The following DCN variants were observed in gnomAD, a reference collection of about 807,000 sequenced individuals.
DCN encodes the protein bone proteoglycan II.
In DCN, 17 loss-of-function variants were observed where a neutral mutation model predicts 36.5. That is an observed-to-expected ratio of 0.47 (90% confidence interval 0.32 to 0.70). The LOEUF (loss-of-function observed/expected upper bound fraction) is 0.70. Among genes scored for constraint, DCN ranks in the 30% least tolerant of loss-of-function variants. The probability of loss-of-function intolerance (pLI) is 0.04; values close to 1 mark genes in which losing one functional copy is unlikely to be tolerated. For synonymous variants in DCN, 163 were observed against 161.4 expected (o/e 1.01, Z -0.07); for missense variants, 389 against 430.1 (o/e 0.90, Z 0.84).
rs980881421 is a variant in DCN at position 91,173,562 on chromosome 12, C to T, written c.211+4780G>A. Among the ~76,000 whole-genome samples the T allele has an allele frequency of 3.9e-5, 6 of 152,124 alleles. 1 individual carries two copies. The South Asian group carries it at 8.3e-4, about 21-fold the overall frequency. On this transcript the variant is annotated intron_variant, in intron 2 of 7. Coordinates refer to ENST00000052754, the MANE Select transcript of DCN (RefSeq NM_001920.5). ...CTACCCAATGTCAATTTAGGCAATC[C>T]AGTGGTCATACTCTGTGCACAGCCT...
chr12:91,179,389 G>A (rs1166660511), intron 1 of DCN: 2 of 152,200 alleles, frequency 1.3e-5, no homozygotes, highest in East Asian at 3.9e-4. Context: ...AAGATTAAAT[G>A]AGATAGTGGG....
intron 3 of DCN, among the ~76,000 whole-genome samples, chr12:91,161,943 A>AT (rs34042357): frequency 0.17 from 24,418 of 142,932 alleles, 2,407 homozygotes; most frequent in East Asian, 0.35. Context: ...TTATCTACCA[A>AT]TTTTTTTTTT....
intron 7 of DCN, among the ~76,000 whole-genome samples, chr12:91,147,042 A>T (rs1881071718): frequency 6.6e-6 from 1 of 152,216 alleles, no homozygotes; most frequent in East Asian, 1.9e-4. Context: ...TGCTTTAGAA[A>T]GTAAACCAAA....
At chr12:91,162,285 GA>G (rs1882211756) in intron 3 of DCN, among the ~76,000 whole-genome samples, 1 of 151,656 alleles carries the variant, frequency 6.6e-6, no homozygotes, top group South Asian at 2.1e-4. Flanking sequence ...TAAAATTTTA[GA>G]AAAAAATTTT....
At chr12:91,175,503 T>A (rs1883236517) in intron 2 of DCN, 1 of 152,150 alleles carries the variant, frequency 6.6e-6, no homozygotes, top group African/African-American at 2.4e-5. Context: ...TTGTTTAAAA[T>A]TTTGATGTTG....
chr12:91,165,008 A>G (rs887766280), intron 2 of DCN, among the ~76,000 whole-genome samples: 4 of 152,198 alleles, frequency 2.6e-5, no homozygotes, highest in African/African-American at 9.7e-5. Flanking sequence ...GTGTGGCTCA[A>G]ATCTATATGT....
chr12:91,158,378 A>T lies in DCN; in HGVS notation c.456T>A (p.Leu152=), dbSNP rs1239200835. The T allele has an allele frequency of 6.2e-7, 1 of 1,613,714 alleles. No homozygotes were observed. The highest frequency in any genetic ancestry group is 1.3e-5 in the African/African-American group (1 of 74,916). The change falls in exon 4 of 8, where the codon CTT becomes CTA. Residue 152 remains leucine, a synonymous_variant. Coordinates refer to ENST00000052754, the MANE Select transcript of DCN (RefSeq NM_001920.5). The stretch of plus-strand genomic sequence containing the variant: ...CATTCTCATGGGCACGCAGCTCCTG[A>T]AGAGTTTTGGGCATTTTTTCTGGCA... ...KELPEKMPKT[L]QELRAHENEI...
In DCN at chr12:91,145,119, G is replaced by C. The variant is rs1880928247; in HGVS notation, c.*939C>G. 6.6e-6 allele frequency: 1 copy of C among 152,092 alleles called. No homozygotes were observed. The highest frequency in any genetic ancestry group is 1.5e-5 in the Non-Finnish European group (1 of 67,996). The allele number at this position is 152,092 out of a possible 1,614,324, so 9.4% of individuals were successfully genotyped here. A position where few individuals can be genotyped will look rare whatever the true frequency, so the allele number is the denominator to read the frequency against. On this transcript the variant is annotated 3_prime_UTR_variant, in exon 8 of 8. Transcript: ENST00000052754. ...GTTTACTGTAAGTAAATCATCCCCA[G>C]GCTTATTAAATTGTCTGCATTGATA...
Position 91,177,515 on chromosome 12 carries a change from G to A in DCN, c.211+827C>T, listed in dbSNP as rs535946949. 4.3e-6 allele frequency: 3 copies of A among 694,846 alleles called. No individual in the cohort carries two copies. In the South Asian group the frequency reaches 4.6e-5, roughly 11 times the overall value. The allele number at this position is 694,846 out of a possible 1,614,324, so 43.0% of individuals were successfully genotyped here. A position where few individuals can be genotyped will look rare whatever the true frequency, so the allele number is the denominator to read the frequency against. On this transcript the variant is annotated intron_variant, in intron 2 of 7. Coordinates refer to ENST00000052754, the MANE Select transcript of DCN (RefSeq NM_001920.5). ...CCTTCAAAAGGAGGAATGTGAATGAGCTGCCATGTAAACTGAGTTCATTCC... is the reference window on the plus strand; with the variant it reads ...CCTTCAAAAGGAGGAATGTGAATGAACTGCCATGTAAACTGAGTTCATTCC...
intron 2 of DCN, chr12:91,176,010 G>C (rs1490465841): frequency 6.6e-6 from 1 of 152,044 alleles, no homozygotes; most frequent in Admixed American, 6.6e-5. Flanking sequence ...TCTGCAGATG[G>C]AGATGTCAAG....
At chr12:91,159,853 G>A (rs1028682933) in intron 3 of DCN, among the ~76,000 whole-genome samples, 2 of 151,874 alleles carry the variant, frequency 1.3e-5, no homozygotes, top group African/African-American at 2.4e-5. Flanking sequence ...ACTTATTAAG[G>A]TCTAATTTTG....
intron 2 of DCN, among the ~76,000 whole-genome samples, chr12:91,171,378 A>AT (rs992202972): frequency 1.3e-5 from 2 of 152,142 alleles, no homozygotes; most frequent in African/African-American, 2.4e-5. Flanking sequence ...AGATGATTAT[A>AT]TTTTTCAAAG....
At chr12:91,160,566 T>C (rs919855307) in intron 3 of DCN, among the ~76,000 whole-genome samples, 11 of 152,106 alleles carry the variant, frequency 7.2e-5, no homozygotes, top group Non-Finnish European at 1.5e-4. Flanking sequence ...TTATTTGGCC[T>C]GTGACTATGA....
chr12:91,158,615 TA>T, intron 3 of DCN, 106 bp from the exon 4 acceptor site: 2 of 738,832 alleles, frequency 2.7e-6, no homozygotes, highest in Non-Finnish European at 2.4e-6. Flanking sequence ...CAGAGAAATC[TA>T]AAAAATTGCA....
chr12:91,148,403 C>T (rs751218226), intron 7 of DCN, among the ~76,000 whole-genome samples: 16 of 151,956 alleles, frequency 1.1e-4, no homozygotes, highest in Non-Finnish European at 2.1e-4. Context: ...GCTATAAAAC[C>T]TATGAAGTAC....
At chr12:91,164,779 C>G in intron 2 of DCN, 62 bp from the exon 3 acceptor site, 1 of 827,744 alleles carries the variant, frequency 1.2e-6, no homozygotes, top group Non-Finnish European at 2.2e-6. Flanking sequence ...CAGAATCACA[C>G]AGCATATATT....
At chr12:91,177,221 G>A (rs1254375471) in intron 2 of DCN, 1 of 241,244 alleles carries the variant, frequency 4.1e-6, no homozygotes, top group Admixed American at 5.1e-5. Flanking sequence ...CAATATATGT[G>A]TTGAAGAAGC....
At chr12:91,172,448 T>C (rs1429325919) in intron 2 of DCN, 1 of 181,210 alleles carries the variant, frequency 5.5e-6, no homozygotes, top group Non-Finnish European at 1.2e-5. Context: ...ACCAAAAACT[T>C]TTCTGCTCAA....
At chr12:91,159,644 G>T (rs913417008) in intron 3 of DCN, among the ~76,000 whole-genome samples, 30 of 150,130 alleles carry the variant, frequency 2.0e-4, no homozygotes, top group African/African-American at 7.1e-4. Flanking sequence ...TTAATATTTT[G>T]GGTAATTATT....
Sources: allele counts gnomAD v4.1 joint callset (sites outside exome capture counted in the v4.1 genomes callset), GRCh38; gene constraint gnomAD v4.1.1; transcripts MANE v1.5; gene names NCBI Gene and HGNC (gene_info 2026-07-23, HGNC 2026-07-21).